Variants in CMTM8 observed in about 807,000 individuals in gnomAD.
CMTM8 encodes CKLF-like MARVEL transmembrane domain-containing protein 8.
Under a neutral mutation model 18.6 loss-of-function variants are expected in CMTM8, and 12 were observed. The ratio of observed to expected loss-of-function variants is 0.65; its 90% CI spans 0.41 to 1.05. The LOEUF is 1.05. Among genes scored for constraint, CMTM8 ranks in the 50% least tolerant of loss-of-function variants. The probability of loss-of-function intolerance (pLI) is 0.00; values close to 1 mark genes in which losing one functional copy is unlikely to be tolerated. For missense variants in CMTM8, 217 were observed against 227.2 expected (o/e 0.95, Z 0.29); for synonymous variants, 87 against 90.6 (o/e 0.96, Z 0.23).
rs184726646 is a variant in CMTM8 at position 32,318,849 on chromosome 3, G to A, written c.148-38524G>A. On this transcript the variant is annotated intron_variant, in intron 1 of 3. Transcript: ENST00000307526. ...CCCAAAGTGCTGGGATTACAGGCAT[G>A]AGCCACCGCGCCCGGCTAGTCATTA... Among the ~76,000 whole-genome samples, 1,172 of 151,304 alleles carry A rather than the reference G, an allele frequency of 7.7e-3. 20 individuals are homozygous for A. The highest frequency in any genetic ancestry group is 0.027 in the African/African-American group (1,094 of 41,282).
At chr3:32,293,750 G>A (rs1702824721) in intron 1 of CMTM8, among the ~76,000 whole-genome samples, 1 of 152,182 alleles carries the variant, frequency 6.6e-6, no homozygotes, top group Admixed American at 6.5e-5. Flanking sequence ...GGAGGCTGAG[G>A]CAGAAGAATC....
intron 2 of CMTM8, among the ~76,000 whole-genome samples, chr3:32,357,831 T>G (rs2289243): frequency 2.0e-5 from 3 of 152,140 alleles, no homozygotes; most frequent in African/African-American, 7.2e-5. Context: ...CTCCATTAGA[T>G]TCTCATTTTA....
At chr3:32,272,956 TC>T (rs1702460458) in intron 1 of CMTM8, among the ~76,000 whole-genome samples, 1 of 152,098 alleles carries the variant, frequency 6.6e-6, no homozygotes, top group African/African-American at 2.4e-5. Flanking sequence ...GGTAGATATT[TC>T]TCCAAAGATA....
intron 1 of CMTM8, among the ~76,000 whole-genome samples, chr3:32,275,345 C>G (rs953913980): frequency 1.3e-5 from 2 of 152,178 alleles, no homozygotes; most frequent in Admixed American, 6.5e-5. Flanking sequence ...TGGAGACAAA[C>G]AGACTTGGCT....
chr3:32,360,466 G>A (rs1368986468), intron 2 of CMTM8, among the ~76,000 whole-genome samples: 2 of 152,234 alleles, frequency 1.3e-5, no homozygotes, highest in Admixed American at 6.5e-5. Context: ...AAGCATTTGT[G>A]AGTTGGGTAC....
At chr3:32,361,413 C>T (rs376632107) in intron 2 of CMTM8, among the ~76,000 whole-genome samples, 6 of 151,316 alleles carry the variant, frequency 4.0e-5, no homozygotes, top group African/African-American at 9.7e-5. Context: ...TGCAACAACA[C>T]GTGGATTTTC....
intron 1 of CMTM8, among the ~76,000 whole-genome samples, chr3:32,291,667 G>T (rs1331830842): frequency 6.6e-6 from 1 of 152,190 alleles, no homozygotes; most frequent in Non-Finnish European, 1.5e-5. Flanking sequence ...AGCCACTTTG[G>T]CATGGCCACA....
chr3:32,324,692 G>A (rs1309182681), intron 1 of CMTM8, among the ~76,000 whole-genome samples: 1 of 151,974 alleles, frequency 6.6e-6, no homozygotes, highest in Non-Finnish European at 1.5e-5. Flanking sequence ...TGATGTAGAG[G>A]AGGCAGAATT....
At chr3:32,261,972 T>A (rs1185744102) in intron 1 of CMTM8, among the ~76,000 whole-genome samples, 1 of 152,210 alleles carries the variant, frequency 6.6e-6, no homozygotes, top group African/African-American at 2.4e-5. Context: ...GCATCATTAG[T>A]TGGCTTCCAA....
chr3:32,243,530 CAAAA>C (rs376396855), intron 1 of CMTM8, among the ~76,000 whole-genome samples: 9 of 104,370 alleles, frequency 8.6e-5, no homozygotes, highest in African/African-American at 2.0e-4. Flanking sequence ...GACCCTGTCT[CAAAA>C]AAAAAAAAAA....
At chr3:32,241,175 G>A (rs1285190524) in intron 1 of CMTM8, among the ~76,000 whole-genome samples, 2 of 152,192 alleles carry the variant, frequency 1.3e-5, no homozygotes, top group Admixed American at 6.5e-5. Context: ...TAAACAACGT[G>A]TTTATAATGC....
intron 1 of CMTM8, among the ~76,000 whole-genome samples, chr3:32,340,747 GTGA>G (rs1440065106): frequency 1.3e-5 from 2 of 152,242 alleles, no homozygotes; most frequent in East Asian, 3.8e-4. Flanking sequence ...AAAACAGACA[GTGA>G]GCCGCATGTG....
rs186869110 is a variant in CMTM8 at position 32,314,097 on chromosome 3, A to T, written c.148-43276A>T. ...TAGTTCCTGGAGAGGGTTCTACAGG[A>T]TCTATTTCTCATTTTGGAGGCTAGT... On this transcript the variant is annotated intron_variant, in intron 1 of 3. Transcript: ENST00000307526. Among the ~76,000 whole-genome samples, 435 of 152,260 alleles carry T rather than the reference A, an allele frequency of 2.9e-3. 2 individuals carry two copies. The highest frequency in any genetic ancestry group is 6.8e-3 in the Middle Eastern group (2 of 292).
intron 1 of CMTM8, among the ~76,000 whole-genome samples, chr3:32,271,124 G>C (rs1702433289): frequency 6.6e-6 from 1 of 152,068 alleles, no homozygotes; most frequent in African/African-American, 2.4e-5. Context: ...CCACTATCCT[G>C]TTTTTTTATT....
At chr3:32,255,106 CT>C (rs1040951299) in intron 1 of CMTM8, among the ~76,000 whole-genome samples, 61 of 151,098 alleles carry the variant, frequency 4.0e-4, no homozygotes, top group Non-Finnish European at 7.8e-4. Context: ...TATTTCATTT[CT>C]TTTTTTTTAA....
chr3:32,258,920 C>T, intron 1 of CMTM8: 1 of 289,498 alleles, frequency 3.5e-6, no homozygotes, highest in Non-Finnish European at 6.7e-6. Flanking sequence ...CGCTTCCCCA[C>T]CCCACTGCCC....
intron 1 of CMTM8, among the ~76,000 whole-genome samples, chr3:32,287,825 A>T: frequency 6.6e-6 from 1 of 152,182 alleles, no homozygotes. Flanking sequence ...AGTGAAGGAG[A>T]TAGGAAAATT....
upstream of CMTM8, chr3:32,238,605 C>T: frequency 6.1e-6 from 1 of 164,192 alleles, no homozygotes; most frequent in Non-Finnish European, 1.3e-5. Context: ...CGGGCGTCCG[C>T]GGCGCCTCCG....
At chr3:32,257,541 C>T (rs1702190038) in intron 1 of CMTM8, among the ~76,000 whole-genome samples, 1 of 152,082 alleles carries the variant, frequency 6.6e-6, no homozygotes, top group Admixed American at 6.5e-5. Context: ...ATTCAAATTT[C>T]CAGTTAAGTA....
Sources: gnomAD v4.1 joint callset for allele counts (sites outside exome capture counted in the v4.1 genomes callset) on GRCh38, gnomAD v4.1.1 for gene constraint, MANE v1.5 for transcripts, NCBI Gene and HGNC (gene_info 2026-07-23, HGNC 2026-07-21) for gene names.